SCHIP1: variants seen among roughly 807,000 people sequenced by gnomAD.
SCHIP1 encodes schwannomin-interacting protein 1.
Under a neutral mutation model 29.7 loss-of-function variants are expected in SCHIP1, and 8 were observed. That is an observed-to-expected ratio of 0.27 (90% CI 0.16 to 0.49). SCHIP1 has a LOEUF of 0.49. Ranked by LOEUF, SCHIP1 falls within the 20% of genes least tolerant of loss-of-function variation. The pLI is 0.99. For missense variants in SCHIP1, 193 were observed against 294.6 expected, an observed-to-expected ratio of 0.66 and a Z score of 2.52; for synonymous variants, 76 against 94.9, an observed-to-expected ratio of 0.80 and a Z score of 1.16.
chr3:159,455,285 C>T, the SCHIP1 span, among the ~76,000 whole-genome samples: 69,660 of 151,904 alleles, frequency 0.46, 18,118 homozygotes, highest in African/African-American at 0.71. Context: ...TATTTCCATA[C>T]AGGTGAATGT....
the SCHIP1 span, chr3:159,274,674 C>T: frequency 3.7e-6 from 3 of 810,486 alleles, no homozygotes; most frequent in Non-Finnish European, 4.5e-6. Flanking sequence ...TGAATTACTA[C>T]CCAGAATGAC....
chr3:159,790,058 C>T, the SCHIP1 span, among the ~76,000 whole-genome samples: 2 of 152,284 alleles, frequency 1.3e-5, no homozygotes, highest in South Asian at 4.1e-4. Flanking sequence ...GCCCAAGGCC[C>T]CCCTCTACCT....
the SCHIP1 span, among the ~76,000 whole-genome samples, chr3:159,520,785 TC>T: frequency 6.6e-6 from 1 of 152,238 alleles, no homozygotes; most frequent in Non-Finnish European, 1.5e-5. Flanking sequence ...CTTATTTTTT[TC>T]ATCTAAAATA....
chr3:159,578,746 T>C, the SCHIP1 span, among the ~76,000 whole-genome samples: 1 of 134,562 alleles, frequency 7.4e-6, no homozygotes, highest in East Asian at 2.0e-4. Context: ...TCTCTGTGTC[T>C]GTCTGTCTCT....
the SCHIP1 span, among the ~76,000 whole-genome samples, chr3:159,277,228 A>T: frequency 0.076 from 11,640 of 152,160 alleles, 1,481 homozygotes; most frequent in African/African-American, 0.26. Flanking sequence ...GTAGAATACA[A>T]TGTTGGTATA....
chr3:159,487,820 T>G, the SCHIP1 span, among the ~76,000 whole-genome samples: 9 of 152,228 alleles, frequency 5.9e-5, no homozygotes, highest in Non-Finnish European at 1.2e-4. Context: ...AAAATTGTTC[T>G]GCACTCCCTT....
chr3:159,489,905 G>A, the SCHIP1 span, among the ~76,000 whole-genome samples: 2 of 151,960 alleles, frequency 1.3e-5, no homozygotes, highest in African/African-American at 2.4e-5. Context: ...ATTTTTATAT[G>A]TATGTAATTT....
the SCHIP1 span, among the ~76,000 whole-genome samples, chr3:159,641,749 T>C: frequency 6.6e-6 from 1 of 152,194 alleles, no homozygotes; most frequent in Non-Finnish European, 1.5e-5. Flanking sequence ...AGGCCCACTC[T>C]TCACAGTGGA....
chr3:159,485,383 C>T, the SCHIP1 span, among the ~76,000 whole-genome samples: 1 of 151,946 alleles, frequency 6.6e-6, no homozygotes, highest in African/African-American at 2.4e-5. Context: ...TAAGTAAGCA[C>T]GTAGCAAATG....
chr3:159,626,268 A>G, the SCHIP1 span, among the ~76,000 whole-genome samples: 1 of 141,622 alleles, frequency 7.1e-6, no homozygotes, highest in Non-Finnish European at 1.5e-5. Flanking sequence ...AGATAGATAG[A>G]TAGATAGATA....
the SCHIP1 span, among the ~76,000 whole-genome samples, chr3:159,629,956 A>C: frequency 1.3e-5 from 2 of 152,188 alleles, no homozygotes; most frequent in Non-Finnish European, 1.5e-5. Flanking sequence ...CAAAGCAGGA[A>C]CTTATCAACT....
chr3:159,404,564 G>A, the SCHIP1 span, among the ~76,000 whole-genome samples: 2 of 152,144 alleles, frequency 1.3e-5, no homozygotes, highest in African/African-American at 4.8e-5. Context: ...TGAAAATGGA[G>A]GGAAGAGTGG....
At chr3:159,666,915 G>A in the SCHIP1 span, among the ~76,000 whole-genome samples, 1 of 152,210 alleles carries the variant, frequency 6.6e-6, no homozygotes, top group African/African-American at 2.4e-5. Context: ...AAGCCAGCCA[G>A]TTAGGTTCAA....
chr3:159,392,594 A>AGAAT, the SCHIP1 span, among the ~76,000 whole-genome samples: 1 of 152,080 alleles, frequency 6.6e-6, no homozygotes, highest in South Asian at 2.1e-4. Flanking sequence ...TAGTTTACTG[A>AGAAT]GAATGATGAT....
chr3:159,734,399 C>T, the SCHIP1 span, among the ~76,000 whole-genome samples: 1 of 151,918 alleles, frequency 6.6e-6, no homozygotes, highest in East Asian at 1.9e-4. Flanking sequence ...CTCGGCCTCC[C>T]AAAGTGCTGG....
intron 2 of SCHIP1, among the ~76,000 whole-genome samples, chr3:159,871,482 A>T (rs1209463470): frequency 6.6e-6 from 1 of 152,190 alleles, no homozygotes; most frequent in East Asian, 1.9e-4. Flanking sequence ...TTTGTTCACC[A>T]CTGTAACTAT....
At chr3:159,479,897 C>G in the SCHIP1 span, among the ~76,000 whole-genome samples, 2 of 152,146 alleles carry the variant, frequency 1.3e-5, no homozygotes, top group Non-Finnish European at 2.9e-5. Flanking sequence ...TGTGGAACCC[C>G]CATAACCTCA....
the SCHIP1 span, among the ~76,000 whole-genome samples, chr3:159,505,863 G>A: frequency 2.6e-5 from 4 of 152,146 alleles, no homozygotes; most frequent in Non-Finnish European, 1.5e-5. Flanking sequence ...TCTTAATCCA[G>A]TCTATCATTG....
the SCHIP1 span, among the ~76,000 whole-genome samples, chr3:159,626,217 GAT>G: frequency 9.4e-5 from 9 of 95,840 alleles, no homozygotes; most frequent in African/African-American, 4.4e-4. Flanking sequence ...GATATATCTA[GAT>G]ATATATATAT....
Sources: allele counts gnomAD v4.1 joint callset (sites outside exome capture counted in the v4.1 genomes callset), GRCh38; gene constraint gnomAD v4.1.1; transcripts MANE v1.5; gene names NCBI Gene and HGNC (gene_info 2026-07-23, HGNC 2026-07-21).